EML6: variants seen among roughly 807,000 people sequenced by gnomAD.
The protein encoded by EML6 is EMAP like 6.
In EML6, 154 loss-of-function variants were observed where a neutral mutation model predicts 240.1. The ratio of observed to expected loss-of-function variants is 0.64; its 90% CI spans 0.56 to 0.73. EML6 has a LOEUF of 0.73. Ranked by LOEUF, EML6 falls within the 30% of genes least tolerant of loss-of-function variation. The pLI is 0.00. For synonymous variants in EML6, 1,148 were observed against 899.0 expected, an observed-to-expected ratio of 1.28 and a Z score of -4.95; for missense variants, 2,964 against 2,474.6, an observed-to-expected ratio of 1.20 and a Z score of -4.20.
rs1045576173 is a variant in EML6 at position 54,953,904 on chromosome 2, G to T, written c.4313-79G>T. The T allele has an allele frequency of 5.4e-6, 6 of 1,119,046 alleles. No individual in the cohort carries two copies. In the East Asian group the frequency reaches 1.1e-4, roughly 20 times the overall value. The allele number at this position is 1,119,046 out of a possible 1,614,324, so 69.3% of individuals were successfully genotyped here. A position where few individuals can be genotyped will look rare whatever the true frequency, so the allele number is the denominator to read the frequency against. On this transcript the variant is annotated intron_variant, in intron 31 of 41. Transcript: ENST00000356458. The stretch of plus-strand genomic sequence containing the variant: ...TCTGTCTAAAAAAAAAAAAAAAAAG[G>T]CTTTTACATGAACATAAGCATCGCC...
At chr2:54,874,540 T>A (rs1671408584) in intron 16 of EML6, among the ~76,000 whole-genome samples, 1 of 152,202 alleles carries the variant, frequency 6.6e-6, no homozygotes, top group Non-Finnish European at 1.5e-5. Context: ...CTTATGGAAA[T>A]TCACCTTTTT....
At position 54,853,775 on chromosome 2, in the gene EML6, C is replaced by T. The variant is rs1488834813; in HGVS notation, c.1577C>T (p.Ala526Val). Residue 526 changes from alanine to valine, a missense_variant, in exon 11 of 42, where the codon GCG becomes GTG. Coordinates refer to ENST00000356458, the MANE Select transcript of EML6 (RefSeq NM_001039753.4). ...TEVTDINSVD[A>V]NYNSSVLVSG... ...GTTACTGACATCAACTCAGTGGATG[C>T]GAATTACAACAGCTCAGTGCTGGTG... is the stretch of plus-strand genomic sequence containing the variant. 1.1e-5 allele frequency: 17 copies of T among 1,551,292 alleles called. No homozygotes were observed. Among genetic ancestry groups the T allele is most frequent in the African/African-American group, 8.2e-5 (6 of 72,996 alleles).
chr2:54,807,079 A>C (rs1026799493), intron 2 of EML6, among the ~76,000 whole-genome samples: 1 of 152,214 alleles, frequency 6.6e-6, no homozygotes, highest in Admixed American at 6.5e-5. Flanking sequence ...CCACATGGCC[A>C]ATCAATTCTG....
chr2:54,774,412 T>C lies in EML6; in HGVS notation c.198-38820T>C, dbSNP rs909499106. On this transcript the variant is annotated intron_variant, in intron 2 of 41. Transcript: ENST00000356458. This position sits in a 1 kb window ranked among gnomAD's most constrained non-coding sequence, Gnocchi z 4.1. Reference sequence around the variant, plus strand: ...AGGGTGACTGTGGGTGAGGGAGCCGTTGGAAGTTGAGGTGATCCCTGAAGA... The same window carrying C: ...AGGGTGACTGTGGGTGAGGGAGCCGCTGGAAGTTGAGGTGATCCCTGAAGA... Among the ~76,000 whole-genome samples the C allele has an allele frequency of 6.6e-6, 1 of 152,052 alleles. No homozygotes were observed. The highest frequency in any genetic ancestry group is 1.5e-5 in the Non-Finnish European group (1 of 67,996).
At chr2:54,796,620 G>T (rs1004149999) in intron 2 of EML6, among the ~76,000 whole-genome samples, 10 of 151,534 alleles carry the variant, frequency 6.6e-5, no homozygotes, top group African/African-American at 2.2e-4. Flanking sequence ...TTGCATACAC[G>T]AGCGCACACA....
chr2:54,931,585 A>G (rs1379418560), intron 28 of EML6, among the ~76,000 whole-genome samples: 1 of 152,138 alleles, frequency 6.6e-6, no homozygotes, highest in Non-Finnish European at 1.5e-5. Flanking sequence ...CTGCTTGAAG[A>G]TTTGAGAGGC....
chr2:54,903,851 T>G (rs1673181943), intron 24 of EML6, among the ~76,000 whole-genome samples: 1 of 152,156 alleles, frequency 6.6e-6, no homozygotes, highest in South Asian at 2.1e-4. Flanking sequence ...TCCTCCTGGC[T>G]GGTTTCCCTT....
At chr2:54,900,626 G>A (rs1425840726) in intron 22 of EML6, among the ~76,000 whole-genome samples, 1 of 152,170 alleles carries the variant, frequency 6.6e-6, no homozygotes, top group East Asian at 1.9e-4. Context: ...CAGTGACCCT[G>A]CGGGAGGCAG....
intron 2 of EML6, among the ~76,000 whole-genome samples, chr2:54,804,018 A>G (rs184612910): frequency 6.6e-6 from 1 of 152,314 alleles, no homozygotes; most frequent in African/African-American, 2.4e-5. Context: ...GTGGTGTAAT[A>G]TTAGGCTTGC....
rs57639955 is a variant in EML6 at position 54,785,170 on chromosome 2, CTTT to C, written c.198-28041_198-28039del. Reference sequence around the variant, plus strand: ...AGATTTCCACCCCCCCACACACACACTTTTTTTTTTTTTTTTTTTTTTTAAGAC... The same window carrying C: ...AGATTTCCACCCCCCCACACACACACTTTTTTTTTTTTTTTTTTTTAAGAC... On this transcript the variant is annotated intron_variant, in intron 2 of 41. Transcript: ENST00000356458. Among the ~76,000 whole-genome samples, 20 of 102,608 alleles carry C rather than the reference CTTT, an allele frequency of 1.9e-4. 1 individual carries two copies. The highest frequency in any genetic ancestry group is 3.7e-4 in the African/African-American group (10 of 26,714). 67.3% of individuals were successfully genotyped at this position (102,608 alleles called of 152,430 possible).
At chr2:54,769,365 C>T (rs1572875727) in intron 2 of EML6, among the ~76,000 whole-genome samples, 1 of 152,156 alleles carries the variant, frequency 6.6e-6, no homozygotes, top group African/African-American at 2.4e-5. Context: ...ATTTTAATAC[C>T]ATGCACCTGA....
chr2:54,961,187 T>TTTTTTTTTTTTTGTTTTTTTG (rs1676488931), intron 35 of EML6, among the ~76,000 whole-genome samples: 1 of 5,318 alleles, frequency 1.9e-4, no homozygotes, highest in African/African-American at 9.4e-4. Context: ...GGAAGTAGTT[T>TTTTTTTTTTTTTGTTTTTTTG]TTTTTTTTTT....
intron 28 of EML6, among the ~76,000 whole-genome samples, chr2:54,931,510 C>T (rs1241180077): frequency 6.6e-6 from 1 of 152,172 alleles, no homozygotes; most frequent in Admixed American, 6.5e-5. Flanking sequence ...CCAGCTTCTC[C>T]CTGGGAATAA....
At chr2:54,889,829 A>C (rs761829071) in intron 17 of EML6, among the ~76,000 whole-genome samples, 1 of 152,158 alleles carries the variant, frequency 6.6e-6, no homozygotes, top group Non-Finnish European at 1.5e-5. Context: ...AATTATCCTG[A>C]CTCTATTGGG....
At chr2:54,747,928 C>T (rs1683992160) in intron 2 of EML6, among the ~76,000 whole-genome samples, 1 of 152,034 alleles carries the variant, frequency 6.6e-6, no homozygotes, top group South Asian at 2.1e-4. Flanking sequence ...ACTTGGATTA[C>T]AGAACTGAGT....
chr2:54,936,966 CTCTT>C (rs1226003019), intron 28 of EML6, among the ~76,000 whole-genome samples: 1 of 105,474 alleles, frequency 9.5e-6, no homozygotes, highest in African/African-American at 3.8e-5. Flanking sequence ...GGTCATGTCT[CTCTT>C]TTTTTTTTTT....
At chr2:54,773,314 G>A (rs11125544) in intron 2 of EML6, among the ~76,000 whole-genome samples, 16,867 of 152,288 alleles carry the variant, frequency 0.11, 1,834 homozygotes, top group East Asian at 0.3. Context: ...CAAAGCCGGG[G>A]CAGCAAGACA....
chr2:54,756,246 T>A (rs1177954403), intron 2 of EML6, among the ~76,000 whole-genome samples: 1 of 152,302 alleles, frequency 6.6e-6, no homozygotes, highest in Non-Finnish European at 1.5e-5. Context: ...TCTGTCAGGA[T>A]CCCTGCCCCT....
At chr2:54,931,759 C>G (rs1317540570) in intron 28 of EML6, among the ~76,000 whole-genome samples, 1 of 152,144 alleles carries the variant, frequency 6.6e-6, no homozygotes, top group Non-Finnish European at 1.5e-5. Flanking sequence ...CTTGGGACAA[C>G]CACTCCACGC....
Sources: allele counts gnomAD v4.1 joint callset (sites outside exome capture counted in the v4.1 genomes callset), GRCh38; gene constraint gnomAD v4.1.1; non-coding constraint Gnocchi (gnomAD v3.1); transcripts MANE v1.5; gene names NCBI Gene and HGNC (gene_info 2026-07-23, HGNC 2026-07-21).